Variants in KRTAP1-1 observed in about 807,000 individuals in gnomAD.
KRTAP1-1 encodes keratin-associated protein 1-1.
Under a neutral mutation model 14.1 loss-of-function variants are expected in KRTAP1-1, and 9 were observed. The observed-to-expected ratio is 0.64, with a 90% CI of 0.39 to 1.12. The LOEUF is 1.12. KRTAP1-1 is among the 50% of genes most tolerant of loss of function. The probability of loss-of-function intolerance (pLI) is 0.01; values close to 1 mark genes in which losing one functional copy is unlikely to be tolerated. For synonymous variants in KRTAP1-1, 77 were observed against 80.5 expected (o/e 0.96, Z 0.23); for missense variants, 179 against 230.9 (o/e 0.78, Z 1.46).
chr17:41,041,197 G>T lies in KRTAP1-1; in HGVS notation c.201C>A (p.Asp67Glu). 1.2e-6 allele frequency: 2 copies of T among 1,602,510 alleles called. No homozygotes were observed. The highest frequency in any genetic ancestry group is 2.2e-5 in the South Asian group (2 of 89,554). The change falls in exon 1 of 1, where the codon GAC (aspartate) becomes GAA (glutamate). Residue 67 changes from aspartate (D) to glutamate (E), a missense_variant. Physicochemically the swap from Asp to Glu is conservative, Grantham distance 45 (BLOSUM62 2). Coordinates refer to ENST00000306271, the MANE Select transcript of KRTAP1-1 (RefSeq NM_030967.3). ...FPSFSTGGTC[D>E]SSCCQPSCCE... ...AGCAGCTTGGCTGGCAGCAGCTAGA[G>T]TCACAAGTCCCACCGGTTGAGAAGC...
rs1037909375 is a variant in KRTAP1-1, at chr17:41,041,305, C to G, written c.93G>C (p.Glu31Asp). 4 of 1,521,432 alleles carry G rather than the reference C, an allele frequency of 2.6e-6. No individual in the cohort carries two copies. The highest frequency in any genetic ancestry group is 3.5e-6 in the Non-Finnish European group (4 of 1,146,294). The allele number at this position is 1,521,432 out of a possible 1,614,324, so 94.2% of individuals were successfully genotyped here. A position where few individuals can be genotyped will look rare whatever the true frequency, so the allele number is the denominator to read the frequency against. Residue 31 changes from glutamate to aspartate, a missense_variant, in exon 1 of 1, where the codon GAG (glutamate) becomes GAC (aspartate). Glu to Asp is a conservative substitution (Grantham distance 45). Transcript: ENST00000306271. ...GSSCCQPSCCETSSCQPRCCE... is the reference protein window; with the variant it reads ...GSSCCQPSCCDTSSCQPRCCE... ...AGCAGCGTGGCTGGCAGGAGCTGGT[C>G]TCACAGCAGCTTGGCTGGCAGCAGC...
Position 41,040,700 on chromosome 17 carries a change from G to T in KRTAP1-1, c.*164C>A. On this transcript the variant is annotated 3_prime_UTR_variant, in exon 1 of 1. Coordinates refer to ENST00000306271, the MANE Select transcript of KRTAP1-1 (RefSeq NM_030967.3). ...ACAACCAGGTCTAGGAAAAATTTTTGGTCTTCCATTGTAAATGAATTTACT... is the reference window on the plus strand; with the variant it reads ...ACAACCAGGTCTAGGAAAAATTTTTTGTCTTCCATTGTAAATGAATTTACT... The T allele has an allele frequency of 1.3e-6, 1 of 794,724 alleles. No individual in the cohort carries two copies. Among genetic ancestry groups the T allele is most frequent in the Non-Finnish European group, 1.9e-6 (1 of 527,800 alleles). 49.2% of individuals were successfully genotyped at this position (794,724 alleles called of 1,614,324 possible).
In KRTAP1-1 at chr17:41,040,814, G is replaced by T; in HGVS notation, c.*50C>A. 1.3e-6 allele frequency: 2 copies of T among 1,505,280 alleles called. No individual in the cohort carries two copies. Among genetic ancestry groups the T allele is most frequent in the Non-Finnish European group, 1.8e-6 (2 of 1,119,488 alleles). 93.2% of individuals were successfully genotyped at this position (1,505,280 alleles called of 1,614,324 possible). On this transcript the variant is annotated 3_prime_UTR_variant, in exon 1 of 1. Coordinates refer to ENST00000306271, the MANE Select transcript of KRTAP1-1 (RefSeq NM_030967.3). The stretch of plus-strand genomic sequence containing the variant: ...CAGAAGATTGTTAGGATTCTAATTT[G>T]GCTAGTTTTAAGGTGCCATCTTATC...
rs765837511 is a variant in KRTAP1-1, at chr17:41,041,149, T to C, written c.249A>G (p.Pro83=). Residue 83 remains proline, a synonymous_variant, in exon 1 of 1, where the codon CCA becomes CCG. Transcript: ENST00000306271. ...CGCAGGAGCTGGTCTGGTAGCAGCT[T>C]GGCTGGCAGCAGCTAGTTTCACAGC... is the stretch of plus-strand genomic sequence containing the variant. ...PSCCETSCCQ[P]SCYQTSSCGT... 1.9e-6 allele frequency: 3 copies of C among 1,613,784 alleles called. No homozygotes were observed.
At position 41,041,347 on chromosome 17, in the gene KRTAP1-1, A is replaced by G; in HGVS notation, c.51T>C (p.Ser17=). 6.5e-7 allele frequency: 1 copy of G among 1,539,324 alleles called. No individual in the cohort carries two copies. Among genetic ancestry groups the G allele is most frequent in the East Asian group, 3.1e-5 (1 of 32,236 alleles). The stretch of plus-strand genomic sequence containing the variant: ...GGCAGCAGCTGGAGCCGCAGGTCCC[A>G]CTGGTGGAGCAGCTGGGAAATCCAC... The part of the protein sequence containing the change: ...SFCGFPSCST[S]GTCGSSCCQP... Residue 17 remains serine (S), a synonymous_variant, in exon 1 of 1, where the codon AGT becomes AGC. Coordinates refer to ENST00000306271, the MANE Select transcript of KRTAP1-1 (RefSeq NM_030967.3).
In KRTAP1-1 at chr17:41,040,812, T is replaced by A. The variant is rs2012691979; in HGVS notation, c.*52A>T. The A allele has an allele frequency of 6.6e-7, 1 of 1,505,554 alleles. No individual in the cohort carries two copies. The highest frequency in any genetic ancestry group is 2.2e-5 in the Admixed American group (1 of 45,932). 93.3% of individuals were successfully genotyped at this position (1,505,554 alleles called of 1,614,324 possible). A position where few individuals can be genotyped will look rare whatever the true frequency, so the allele number is the denominator to read the frequency against. On this transcript the variant is annotated 3_prime_UTR_variant, in exon 1 of 1. Transcript: ENST00000306271. ...TTCAGAAGATTGTTAGGATTCTAAT[T>A]TGGCTAGTTTTAAGGTGCCATCTTA...
chr17:41,040,753 T>G lies in KRTAP1-1; in HGVS notation c.*111A>C. ...CTAGGGAATTTATGTGGCTGTGTGA[T>G]GAGAGGTTGCAAGCCCAGTTATAGG... On this transcript the variant is annotated 3_prime_UTR_variant, in exon 1 of 1. Coordinates refer to ENST00000306271, the MANE Select transcript of KRTAP1-1 (RefSeq NM_030967.3). The G allele has an allele frequency of 2.5e-6, 3 of 1,204,330 alleles. No individual in the cohort carries two copies. Among genetic ancestry groups the G allele is most frequent in the Non-Finnish European group, 3.4e-6 (3 of 876,484 alleles). 74.6% of individuals were successfully genotyped at this position (1,204,330 alleles called of 1,614,324 possible). A position where few individuals can be genotyped will look rare whatever the true frequency, so the allele number is the denominator to read the frequency against.
Position 41,041,208 on chromosome 17 carries a change from CA to C in KRTAP1-1, c.189del (p.Thr65LeufsTer48), listed in dbSNP as rs1405703157. On this transcript the variant is annotated frameshift_variant, in exon 1 of 1. Transcript: ENST00000306271. LOFTEE classifies it high-confidence loss of function. ...SFCGFPSFST[G>X]GTCDSSCCQP... ...TGGCAGCAGCTAGAGTCACAAGTCC[CA>C]CCGGTTGAGAAGCTAGGAAATCCAC... 3.1e-6 allele frequency: 5 copies of C among 1,601,858 alleles called. No homozygotes were observed. Among genetic ancestry groups the C allele is most frequent in the Middle Eastern group, 3.3e-4 (2 of 6,020 alleles).
Position 41,041,040 on chromosome 17 carries a change from G to A in KRTAP1-1, c.358C>T (p.Arg120Cys), listed in dbSNP as rs763459120. 1.9e-5 allele frequency: 30 copies of A among 1,613,634 alleles called. No individual in the cohort carries two copies. The highest frequency in any genetic ancestry group is 9.3e-5 in the African/African-American group (7 of 74,906). ...GTACCCTCCACACGGCAGTCTGGGC[G>A]GCACCACCTGATACGGGTGCTCACA... ...GAVSTRIRWCRPDCRVEGTCL... is the reference protein window; with the variant it reads ...GAVSTRIRWCCPDCRVEGTCL... The change falls in exon 1 of 1, where the codon CGC becomes TGC. Residue 120 changes from arginine (R) to cysteine (C), a missense_variant. Arg to Cys is a radical substitution (Grantham distance 180). Coordinates refer to ENST00000306271, the MANE Select transcript of KRTAP1-1 (RefSeq NM_030967.3).
rs1357051296 is a variant in KRTAP1-1, at chr17:41,041,062, C to T, written c.336G>A (p.Val112=). 1.9e-6 allele frequency: 3 copies of T among 1,613,652 alleles called. No homozygotes were observed. The highest frequency in any genetic ancestry group is 1.7e-5 in the Admixed American group (1 of 60,000). Residue 112 remains valine (V), a synonymous_variant, in exon 1 of 1, where the codon GTG becomes GTA. Coordinates refer to ENST00000306271, the MANE Select transcript of KRTAP1-1 (RefSeq NM_030967.3). The part of the protein sequence containing the change: ...GYGQEGSSGA[V]STRIRWCRPD... Reference sequence around the variant, plus strand: ...GGCGGCACCACCTGATACGGGTGCTCACAGCTCCACTGCTGCCCTCCTGGC... The same window carrying T: ...GGCGGCACCACCTGATACGGGTGCTTACAGCTCCACTGCTGCCCTCCTGGC...
Position 41,040,934 on chromosome 17 carries a change from C to T in KRTAP1-1, c.464G>A (p.Arg155His), listed in dbSNP as rs751094303. The T allele has an allele frequency of 4.7e-5, 76 of 1,612,336 alleles. No individual in the cohort carries two copies. The East Asian group carries it at 9.1e-4, about 19-fold the overall frequency. ...QLHHAEASCCRPSYCGQSCCR... is the reference protein window; with the variant it reads ...QLHHAEASCCHPSYCGQSCCR... Reference sequence around the variant, plus strand: ...ACAGGACTGTCCACAGTAGGATGGGCGGCAGCAGGAGGCCTCGGCGTGGTG... The same window carrying T: ...ACAGGACTGTCCACAGTAGGATGGGTGGCAGCAGGAGGCCTCGGCGTGGTG... Residue 155 changes from arginine (R) to histidine (H), a missense_variant, in exon 1 of 1, where the codon CGC becomes CAC. Transcript: ENST00000306271.
In KRTAP1-1 at chr17:41,040,603, T is replaced by C. The variant is rs2012687523; in HGVS notation, c.*261A>G. On this transcript the variant is annotated 3_prime_UTR_variant, in exon 1 of 1. Coordinates refer to ENST00000306271, the MANE Select transcript of KRTAP1-1 (RefSeq NM_030967.3). The stretch of plus-strand genomic sequence containing the variant: ...TTTATTAAATTTAAGTCCCAATAAC[T>C]GTTGAAATATTTCAGGTGATATTTA... 6 of 419,398 alleles carry C rather than the reference T, an allele frequency of 1.4e-5. No individual in the cohort carries two copies. The East Asian group carries it at 2.1e-4, about 15-fold the overall frequency. The allele number at this position is 419,398 out of a possible 1,614,324, so 26.0% of individuals were successfully genotyped here.
In KRTAP1-1 at chr17:41,041,108, A is replaced by C; in HGVS notation, c.290T>G (p.Ile97Ser). 6.2e-7 allele frequency: 1 copy of C among 1,613,830 alleles called. No homozygotes were observed. ...QTSSCGTGCGIGGGIGYGQEG... is the reference protein window; with the variant it reads ...QTSSCGTGCGSGGGIGYGQEG... ...CTGGCCATAGCCAATGCCACCACCA[A>C]TGCCACAGCCAGTTCCGCAGGAGCT... The change falls in exon 1 of 1, where the codon ATT becomes AGT. Residue 97 changes from isoleucine to serine, a missense_variant. Physicochemically the swap from Ile to Ser is moderately radical, Grantham distance 142 (BLOSUM62 -2). Transcript: ENST00000306271.
At position 41,041,394 on chromosome 17, in the gene KRTAP1-1, C is replaced by A. The variant is rs1425539411; in HGVS notation, c.4G>T (p.Ala2Ser). 6.2e-7 allele frequency: 1 copy of A among 1,612,214 alleles called. No individual in the cohort carries two copies. The highest frequency in any genetic ancestry group is 2.3e-5 in the East Asian group (1 of 44,442). Residue 2 changes from alanine (A) to serine (S), a missense_variant, in exon 1 of 1, where the codon GCC becomes TCC. Transcript: ENST00000306271. Reference sequence around the variant, plus strand: ...CCACAGAAGCTGGTCTGACAGCAGGCCATGGTGTCAGGAGTTGATCTGAAG... The same window carrying A: ...CCACAGAAGCTGGTCTGACAGCAGGACATGGTGTCAGGAGTTGATCTGAAG... M[A>S]CCQTSFCGFP...
In KRTAP1-1 at chr17:41,041,006, G is replaced by A. The variant is rs1461498486; in HGVS notation, c.392C>T (p.Pro131Leu). ...PDCRVEGTCL[P>L]PCCVVSCTPP... ...TGTGCAGCTCACCACGCAGCAGGGG[G>A]GCAGGCAGGTACCCTCCACACGGCA... The change falls in exon 1 of 1, where the codon CCC (proline) becomes CTC (leucine). Residue 131 changes from proline (P) to leucine (L), a missense_variant. Pro to Leu is a moderately conservative substitution (Grantham distance 98, BLOSUM62 -3). Coordinates refer to ENST00000306271, the MANE Select transcript of KRTAP1-1 (RefSeq NM_030967.3). 2.5e-6 allele frequency: 4 copies of A among 1,613,744 alleles called. No individual in the cohort carries two copies. The highest frequency in any genetic ancestry group is 2.5e-6 in the Non-Finnish European group (3 of 1,180,024).
At position 41,041,242 on chromosome 17, in the gene KRTAP1-1, G is replaced by A; in HGVS notation, c.156C>T (p.Thr52=). 2 of 1,595,424 alleles carry A rather than the reference G, an allele frequency of 1.3e-6. No individual in the cohort carries two copies. Among genetic ancestry groups the A allele is most frequent in the Non-Finnish European group, 1.7e-6 (2 of 1,170,500 alleles). Residue 52 remains threonine, a synonymous_variant, in exon 1 of 1, where the codon ACC becomes ACT. Transcript: ENST00000306271. ...TSCCQPSCCQ[T]SFCGFPSFST... Reference sequence around the variant, plus strand: ...AGAAGCTAGGAAATCCACAGAAGCTGGTCTGGCAGCAGCTTGGCTGGCAGC... The same window carrying A: ...AGAAGCTAGGAAATCCACAGAAGCTAGTCTGGCAGCAGCTTGGCTGGCAGC...
At position 41,041,308 on chromosome 17, in the gene KRTAP1-1, A is replaced by G; in HGVS notation, c.90T>C (p.Cys30=). 6.5e-7 allele frequency: 1 copy of G among 1,533,366 alleles called. No individual in the cohort carries two copies. Among genetic ancestry groups the G allele is most frequent in the Non-Finnish European group, 8.7e-7 (1 of 1,149,894 alleles). The allele number at this position is 1,533,366 out of a possible 1,614,324, so 95.0% of individuals were successfully genotyped here. A position where few individuals can be genotyped will look rare whatever the true frequency, so the allele number is the denominator to read the frequency against. Residue 30 remains cysteine, a synonymous_variant, in exon 1 of 1, where the codon TGT becomes TGC. Coordinates refer to ENST00000306271, the MANE Select transcript of KRTAP1-1 (RefSeq NM_030967.3). ...CGSSCCQPSC[C]ETSSCQPRCC... ...AGCGTGGCTGGCAGGAGCTGGTCTCACAGCAGCTTGGCTGGCAGCAGCTGG... is the reference window on the plus strand; with the variant it reads ...AGCGTGGCTGGCAGGAGCTGGTCTCGCAGCAGCTTGGCTGGCAGCAGCTGG...
chr17:41,040,568 G>A lies in KRTAP1-1; in HGVS notation c.*296C>T, dbSNP rs2012686939. On this transcript the variant is annotated 3_prime_UTR_variant, in exon 1 of 1. Coordinates refer to ENST00000306271, the MANE Select transcript of KRTAP1-1 (RefSeq NM_030967.3). Reference sequence around the variant, plus strand: ...CAAACAACAACTTCATCATTGAAGAGATGAAAACTTTTATTAAATTTAAGT... The same window carrying A: ...CAAACAACAACTTCATCATTGAAGAAATGAAAACTTTTATTAAATTTAAGT... 2.8e-6 allele frequency: 1 copy of A among 352,636 alleles called. No homozygotes were observed. The highest frequency in any genetic ancestry group is 4.2e-5 in the Admixed American group (1 of 23,806). The allele number at this position is 352,636 out of a possible 1,614,324, so 21.8% of individuals were successfully genotyped here.
Position 41,040,788 on chromosome 17 carries a change from T to G in KRTAP1-1, c.*76A>C. On this transcript the variant is annotated 3_prime_UTR_variant, in exon 1 of 1. Transcript: ENST00000306271. ...CAAGCCCAGTTATAGGTACTGGAGT[T>G]CAGAAGATTGTTAGGATTCTAATTT... 1 of 1,433,908 alleles carries G rather than the reference T, an allele frequency of 7.0e-7. No homozygotes were observed. Among genetic ancestry groups the G allele is most frequent in the Middle Eastern group, 2.0e-4 (1 of 4,958 alleles). The allele number at this position is 1,433,908 out of a possible 1,614,324, so 88.8% of individuals were successfully genotyped here.
Sources: allele counts gnomAD v4.1 joint callset, GRCh38; gene constraint gnomAD v4.1.1; transcripts MANE v1.5; gene names NCBI Gene and HGNC (gene_info 2026-07-23, HGNC 2026-07-21).